DMD: variants seen among roughly 807,000 people sequenced by gnomAD.
DMD encodes mutant dystrophin.
Under a neutral mutation model 330.1 loss-of-function variants are expected in DMD, and 63 were observed. The ratio of observed to expected loss-of-function variants is 0.19; its 90% CI spans 0.16 to 0.24. DMD has a LOEUF of 0.24. Among genes scored for constraint, DMD ranks in the 10% least tolerant of loss-of-function variants. The pLI is 1.00. For synonymous variants in DMD, 1,223 were observed against 959.8 expected, an observed-to-expected ratio of 1.27 and a Z score of -5.07; for missense variants, 3,344 against 2,684.1, an observed-to-expected ratio of 1.25 and a Z score of -5.43.
At chrX:32,561,919 G>C (rs1018196377) in intron 16 of DMD, among the ~76,000 whole-genome samples, 1 of 111,587 alleles carries the variant, frequency 9.0e-6, no homozygotes, top group Admixed American at 9.6e-5. Context: ...TTCCAAGGCA[G>C]AATTTCATAT....
rs181245557 is a variant in DMD, at chrX:31,642,888, G to A, written c.8028-15026C>T. 2.8e-3 allele frequency among the ~76,000 whole-genome samples: 313 copies of A among 112,129 alleles called. 1 individual carries two copies. Among genetic ancestry groups the A allele is most frequent in the Non-Finnish European group, 5.3e-3 (282 of 53,148 alleles). On this transcript the variant is annotated intron_variant, in intron 54 of 78. Coordinates refer to ENST00000357033, the MANE Select transcript of DMD (RefSeq NM_004006.3). ...GACAGCACATCTAGGAAAAATGGAT[G>A]CCATTCAGACAATCGTTCTTCCGAT...
At chrX:32,428,616 A>T (rs2098222860) in intron 29 of DMD, among the ~76,000 whole-genome samples, 1 of 110,624 alleles carries the variant, frequency 9.0e-6, no homozygotes, top group South Asian at 3.7e-4. Flanking sequence ...TATGTACGAG[A>T]TTTTTTTGTT....
chrX:32,737,606 A>C (rs1243634774), intron 7 of DMD, among the ~76,000 whole-genome samples: 1 of 111,897 alleles, frequency 8.9e-6, no homozygotes, highest in Non-Finnish European at 1.9e-5. Flanking sequence ...AAACTTGGAA[A>C]TTAAAAACAT....
intron 62 of DMD, among the ~76,000 whole-genome samples, chrX:31,275,449 T>C (rs2147835131): frequency 9.0e-6 from 1 of 111,122 alleles, no homozygotes; most frequent in South Asian, 3.8e-4. Context: ...ATTGAGTTAA[T>C]ATGAACAAGA....
chrX:32,566,016 A>C (rs766759714), intron 15 of DMD, 135 bp from the exon 16 acceptor site: 1 of 551,903 alleles, frequency 1.8e-6, no homozygotes, highest in East Asian at 3.6e-5. Flanking sequence ...AAAGGATCAA[A>C]AGTTCAGAAA....
At chrX:32,544,017 T>C (rs1180895715) in intron 17 of DMD, among the ~76,000 whole-genome samples, 1 of 112,157 alleles carries the variant, frequency 8.9e-6, no homozygotes, top group Non-Finnish European at 1.9e-5. Context: ...ATTATTTTTC[T>C]TTTGATTATT....
chrX:31,477,003 A>T (rs764273615), intron 59 of DMD, among the ~76,000 whole-genome samples: 24 of 111,563 alleles, frequency 2.2e-4, no homozygotes, highest in Non-Finnish European at 4.0e-4. Flanking sequence ...CTGAAATAGG[A>T]AACAGGAAAA....
At chrX:32,286,171 T>G (rs1282853384) in intron 43 of DMD, among the ~76,000 whole-genome samples, 1 of 111,313 alleles carries the variant, frequency 9.0e-6, no homozygotes, top group African/African-American at 3.3e-5. Flanking sequence ...AAGGAGCTTG[T>G]GTGGGAGGCA....
chrX:32,647,923 T>G (rs1198826477), intron 9 of DMD, among the ~76,000 whole-genome samples: 2 of 112,034 alleles, frequency 1.8e-5, no homozygotes, highest in Non-Finnish European at 3.8e-5. Flanking sequence ...TTAACTCTTT[T>G]TGAAATCTGA....
At chrX:31,839,034 T>C (rs1569469672) in intron 48 of DMD, among the ~76,000 whole-genome samples, 1 of 111,861 alleles carries the variant, frequency 8.9e-6, no homozygotes, top group East Asian at 2.8e-4. Flanking sequence ...CTGAAAAACA[T>C]GCCCTACCTC....
intron 6 of DMD, among the ~76,000 whole-genome samples, chrX:32,812,410 A>AT (rs1482419217): frequency 1.8e-5 from 2 of 112,255 alleles, no homozygotes; most frequent in Non-Finnish European, 3.8e-5. Flanking sequence ...AGACGGGTCA[A>AT]TCACCTGAGG....
intron 55 of DMD, among the ~76,000 whole-genome samples, chrX:31,593,005 T>C (rs1442074675): frequency 9.0e-6 from 1 of 111,191 alleles, no homozygotes; most frequent in African/African-American, 3.3e-5. Flanking sequence ...ACCATTATAA[T>C]AGTCCTAGAT....
intron 13 of DMD, among the ~76,000 whole-genome samples, chrX:32,582,062 G>A (rs1161032763): frequency 9.0e-6 from 1 of 111,556 alleles, no homozygotes; most frequent in Admixed American, 9.5e-5. Context: ...CTACAGGAAA[G>A]ATCATACTTA....
intron 2 of DMD, among the ~76,000 whole-genome samples, chrX:32,974,702 G>A (rs1157619495): frequency 1.8e-5 from 2 of 111,051 alleles, no homozygotes; most frequent in African/African-American, 3.3e-5. Context: ...CCCAATTCCC[G>A]AGTGATTCAA....
In DMD at chrX:31,134,169, G is replaced by A. The variant is rs1328510589; in HGVS notation, c.10947C>T (p.Pro3649=). The A allele has an allele frequency of 1.7e-6, 2 of 1,208,262 alleles. No individual in the cohort carries two copies. The highest frequency in any genetic ancestry group is 4.4e-5 in the Admixed American group (2 of 45,633). ...CCTCTAACCCTGTGCTTGTGTCCTGGGGAGGACTGAGAAGATCTTCCTCAC... is the reference window on the plus strand; with the variant it reads ...CCTCTAACCCTGTGCTTGTGTCCTGAGGAGGACTGAGAAGATCTTCCTCAC... ...SMGEEDLLSP[P]QDTSTGLEEV... Residue 3649 remains proline (P), a synonymous_variant, in exon 77 of 79, where the codon CCC becomes CCT. Transcript: ENST00000357033.
intron 28 of DMD, 26 bp from the exon 29 acceptor site, chrX:32,438,416 A>G: frequency 8.3e-7 from 1 of 1,204,061 alleles, no homozygotes; most frequent in Non-Finnish European, 1.1e-6. Context: ...AATAATTACT[A>G]TTTCTCCTTT....
intron 2 of DMD, among the ~76,000 whole-genome samples, chrX:32,937,233 G>A (rs1335778166): frequency 9.0e-6 from 1 of 110,585 alleles, no homozygotes; most frequent in African/African-American, 3.3e-5. Flanking sequence ...CTGTCCAGCA[G>A]AAGCTCTGGT....
Position 32,688,457 on chromosome X carries a change from G to A in DMD, c.960+9413C>T, listed in dbSNP as rs1458203715. 6.3e-5 allele frequency among the ~76,000 whole-genome samples: 7 copies of A among 111,803 alleles called. No individual in the cohort carries two copies. The East Asian group carries it at 8.4e-4, about 13-fold the overall frequency. ...TTACATTATCATTTATAAATATAAT[G>A]CAAAATGGAAGAGTGTTGATCCACG... On this transcript the variant is annotated intron_variant, in intron 9 of 78. Transcript: ENST00000357033.
chrX:31,886,734 G>C (rs1216555538), intron 47 of DMD, among the ~76,000 whole-genome samples: 2 of 111,742 alleles, frequency 1.8e-5, no homozygotes, highest in African/African-American at 6.5e-5. Context: ...TGGGAGTGGG[G>C]TTGGGTGTCG....
Sources: allele counts gnomAD v4.1 joint callset (sites outside exome capture counted in the v4.1 genomes callset), GRCh38; gene constraint gnomAD v4.1.1; transcripts MANE v1.5; gene names NCBI Gene and HGNC (gene_info 2026-07-23, HGNC 2026-07-21).